ACSM6: variants seen among roughly 807,000 people sequenced by gnomAD.
ACSM6 encodes the protein acyl-coenzyme A synthetase ACSM6, mitochondrial.
A neutral mutation model predicts 51.1 loss-of-function variants in ACSM6; 35 were observed. The observed-to-expected ratio is 0.69, with a 90% CI of 0.52 to 0.91. The LOEUF (loss-of-function observed/expected upper bound fraction) is 0.91, where lower values mean the gene tolerates loss of function less well. Among genes scored for constraint, ACSM6 ranks in the 40% least tolerant of loss-of-function variants. The probability of loss-of-function intolerance (pLI) is 0.00; values close to 1 mark genes in which losing one functional copy is unlikely to be tolerated. For synonymous variants in ACSM6, 172 were observed against 207.3 expected (o/e 0.83, Z 1.46); for missense variants, 509 against 584.1 (o/e 0.87, Z 1.32).
chr10:95,219,977 A>T lies in ACSM6; in HGVS notation c.1200+6A>T. The T allele has an allele frequency of 6.3e-7, 1 of 1,592,202 alleles. No individual in the cohort carries two copies. Among genetic ancestry groups the T allele is most frequent in the Admixed American group, 1.7e-5 (1 of 59,684 alleles). On this transcript the variant is annotated splice_donor_region_variant and intron_variant, in intron 9 of 10. Coordinates refer to ENST00000341686, the Ensembl canonical transcript of ACSM6. ...TGCCACCTTATATTGTCCAGGTAGG[A>T]GATCATAGTAATGATTATGACAGAT...
chr10:95,200,105 C>G (rs1394049539), intron 2 of ACSM6, among the ~76,000 whole-genome samples: 3 of 151,946 alleles, frequency 2.0e-5, no homozygotes, highest in Non-Finnish European at 4.4e-5. Context: ...ACCAAATGTC[C>G]AACAATGATA....
intron 10 of ACSM6, 142 bp downstream of exon 10, chr10:95,225,533 A>C (rs1392686776): frequency 5.3e-6 from 3 of 565,382 alleles, no homozygotes; most frequent in African/African-American, 1.9e-5. Context: ...AAAAATGTTA[A>C]ATAGTAGCAC....
At chr10:95,214,043 T>C (rs1772386973) in intron 7 of ACSM6, among the ~76,000 whole-genome samples, 1 of 152,224 alleles carries the variant, frequency 6.6e-6, no homozygotes, top group Non-Finnish European at 1.5e-5. Context: ...CACTTAAAAA[T>C]TTTAAAATAG....
At chr10:95,196,601 C>T (rs1371553157) in intron 2 of ACSM6, among the ~76,000 whole-genome samples, 1 of 152,122 alleles carries the variant, frequency 6.6e-6, no homozygotes, top group East Asian at 1.9e-4. Context: ...ATAGATCATC[C>T]GATTTCACAA....
At chr10:95,220,440 T>C (rs1263811358) in intron 9 of ACSM6, among the ~76,000 whole-genome samples, 1 of 152,184 alleles carries the variant, frequency 6.6e-6, no homozygotes, top group South Asian at 2.1e-4. Context: ...AGTATGGGCA[T>C]AGGAAGCAAT....
chr10:95,217,277 G>A (rs1208194409), intron 8 of ACSM6, among the ~76,000 whole-genome samples: 3 of 148,846 alleles, frequency 2.0e-5, no homozygotes, highest in African/African-American at 7.8e-5. Context: ...GAATCTGGGA[G>A]GCGGAGGTTG....
chr10:95,213,048 A>T, intron 7 of ACSM6, 108 bp downstream of exon 7: 1 of 876,174 alleles, frequency 1.1e-6, no homozygotes, highest in South Asian at 1.5e-5. Flanking sequence ...CTCCGGTAAC[A>T]CACTTGTCTT....
chr10:95,220,018 C>T lies in ACSM6; in HGVS notation c.1200+47C>T, dbSNP rs11188229. ...TATGACAGATATTATTAAGTGAGCT[C>T]TTACAGTTGTTTATCTAAATTTCTG... On this transcript the variant is annotated intron_variant, in intron 9 of 10. Coordinates refer to ENST00000341686, the Ensembl canonical transcript of ACSM6. 11 of 1,444,880 alleles carry T rather than the reference C, an allele frequency of 7.6e-6. No homozygotes were observed. The East Asian group carries it at 2.3e-4, about 30-fold the overall frequency. The allele number at this position is 1,444,880 out of a possible 1,614,324, so 89.5% of individuals were successfully genotyped here.
intron 10 of ACSM6, among the ~76,000 whole-genome samples, chr10:95,227,442 G>A (rs2035049481): frequency 6.6e-6 from 1 of 152,068 alleles, no homozygotes; most frequent in East Asian, 1.9e-4. Context: ...GCCTCTTTGA[G>A]TATCTCTCGT....
chr10:95,213,472 T>C (rs2034915073), intron 7 of ACSM6, among the ~76,000 whole-genome samples: 1 of 152,218 alleles, frequency 6.6e-6, no homozygotes, highest in South Asian at 2.1e-4. Flanking sequence ...TGGGATTATA[T>C]AGATGGTATC....
At chr10:95,197,513 G>A (rs1751152) in intron 2 of ACSM6, among the ~76,000 whole-genome samples, 102,086 of 149,652 alleles carry the variant, frequency 0.68, 35,532 homozygotes, top group Non-Finnish European at 0.76. Flanking sequence ...ATGCCTGGAT[G>A]TGCACATAAG....
chr10:95,210,566 C>A, intron 4 of ACSM6, 84 bp from the exon 5 acceptor site: 1 of 1,348,456 alleles, frequency 7.4e-7, no homozygotes, highest in Non-Finnish European at 1.0e-6. Context: ...TTTTTAAAAT[C>A]AGAGATTACC....
intron 9 of ACSM6, 106 bp downstream of exon 9, chr10:95,220,077 T>G: frequency 2.5e-6 from 2 of 811,206 alleles, no homozygotes; most frequent in Non-Finnish European, 4.0e-6. Context: ...AGTCCACCAT[T>G]CTCTAAATTC....
At chr10:95,214,064 C>T (rs1329584465) in intron 7 of ACSM6, among the ~76,000 whole-genome samples, 2 of 152,140 alleles carry the variant, frequency 1.3e-5, no homozygotes, top group Non-Finnish European at 1.5e-5. Flanking sequence ...TCATCTCTCG[C>T]TTATACCCTG....
chr10:95,210,215 C>A (rs2034879819), intron 4 of ACSM6, among the ~76,000 whole-genome samples: 1 of 152,152 alleles, frequency 6.6e-6, no homozygotes, highest in Non-Finnish European at 1.5e-5. Context: ...CTCACTCCAC[C>A]TTAGTCCCAT....
rs773550260 is a variant in ACSM6, at chr10:95,211,875, T to C, written c.756-3T>C. On this transcript the variant is annotated splice_region_variant and splice_polypyrimidine_tract_variant and intron_variant, in intron 5 of 10. Coordinates refer to ENST00000341686, the Ensembl canonical transcript of ACSM6. ...TTCAAATGGCTTTCCTCTTTCTCTT[T>C]AGACGGTGGATGGATCTCCAGCCAA... 5.6e-6 allele frequency: 9 copies of C among 1,595,852 alleles called. No individual in the cohort carries two copies. The South Asian group carries it at 1.0e-4, about 18-fold the overall frequency.
intron 2 of ACSM6, chr10:95,201,328 C>G: frequency 2.6e-6 from 1 of 385,134 alleles, no homozygotes; most frequent in Admixed American, 2.9e-5. Flanking sequence ...CCTCCAGCCT[C>G]CCCAATGTCT....
At chr10:95,198,442 G>A (rs1007541931) in intron 2 of ACSM6, among the ~76,000 whole-genome samples, 14 of 152,152 alleles carry the variant, frequency 9.2e-5, no homozygotes, top group African/African-American at 3.4e-4. Context: ...CCTGAGCTCA[G>A]GAGTTCAAGA....
chr10:95,224,860 T>C (rs1007678190), intron 9 of ACSM6, among the ~76,000 whole-genome samples: 3 of 152,248 alleles, frequency 2.0e-5, no homozygotes, highest in Non-Finnish European at 4.4e-5. Flanking sequence ...ATAAGATGGC[T>C]AATTAAGTGT....
Sources: gnomAD v4.1 joint callset for allele counts (sites outside exome capture counted in the v4.1 genomes callset) on GRCh38, gnomAD v4.1.1 for gene constraint, MANE v1.5 for transcripts, NCBI Gene and HGNC (gene_info 2026-07-23, HGNC 2026-07-21) for gene names.